The following PTGR2 variants were observed in gnomAD, a reference collection of about 807,000 sequenced individuals.
PTGR2 encodes 15-oxoprostaglandin 13-reductase.
Under a neutral mutation model 43.4 loss-of-function variants are expected in PTGR2, and 32 were observed. That is an observed-to-expected ratio of 0.74 (90% CI 0.56 to 0.99). The LOEUF is 0.99. PTGR2 is among the 50% of genes least tolerant of loss of function. The probability of loss-of-function intolerance (pLI) is 0.00; values close to 1 mark genes in which losing one functional copy is unlikely to be tolerated. For missense variants in PTGR2, 373 were observed against 420.0 expected, an observed-to-expected ratio of 0.89 and a Z score of 0.98; for synonymous variants, 106 against 139.2, an observed-to-expected ratio of 0.76 and a Z score of 1.68.
intron 4 of PTGR2, chr14:73,874,492 T>G (rs1291245028): frequency 4.0e-6 from 2 of 498,770 alleles, no homozygotes; most frequent in East Asian, 5.4e-5. Context: ...GTATGTGCAC[T>G]GGAGCCTCAC....
At chr14:73,855,695 C>T (rs1460106917) in intron 1 of PTGR2, among the ~76,000 whole-genome samples, 1 of 151,718 alleles carries the variant, frequency 6.6e-6, no homozygotes, top group South Asian at 2.1e-4. Context: ...ATGCACCTGC[C>T]TCAGCCTCCC....
chr14:73,882,736 G>A (rs894705692), intron 9 of PTGR2, among the ~76,000 whole-genome samples: 2 of 146,868 alleles, frequency 1.4e-5, no homozygotes, highest in Admixed American at 6.9e-5. Context: ...TCCTGACCTC[G>A]TGATCTGCCT....
chr14:73,878,407 T>C (rs1222562087), intron 5 of PTGR2: 2 of 152,224 alleles, frequency 1.3e-5, no homozygotes, highest in Admixed American at 1.3e-4. Flanking sequence ...AGCCAAAAAT[T>C]GTGAGATTTT....
chr14:73,862,851 G>A (rs541481757), intron 3 of PTGR2, among the ~76,000 whole-genome samples: 6 of 151,872 alleles, frequency 4.0e-5, no homozygotes, highest in Non-Finnish European at 8.8e-5. Flanking sequence ...GGGACCACAG[G>A]TATGCACCAC....
chr14:73,873,490 C>T (rs1345789570), intron 3 of PTGR2, among the ~76,000 whole-genome samples: 6 of 146,476 alleles, frequency 4.1e-5, no homozygotes, highest in East Asian at 2.0e-4. Context: ...GACGGAGTTT[C>T]GCTCTTGTTG....
At chr14:73,876,428 C>G (rs946488132) in intron 4 of PTGR2, among the ~76,000 whole-genome samples, 9 of 150,220 alleles carry the variant, frequency 6.0e-5, no homozygotes, top group Non-Finnish European at 1.2e-4. Context: ...AGTCTTTCCT[C>G]TGTGGGTGTG....
At chr14:73,874,241 T>G in intron 4 of PTGR2, 27 bp downstream of exon 4, 1 of 1,506,510 alleles carries the variant, frequency 6.6e-7, no homozygotes, top group Non-Finnish European at 9.0e-7. Context: ...CATATCTGAT[T>G]TTTTTTCCCC....
chr14:73,867,205 T>G (rs931655048), intron 3 of PTGR2, among the ~76,000 whole-genome samples: 2 of 151,996 alleles, frequency 1.3e-5, no homozygotes, highest in Non-Finnish European at 2.9e-5. Flanking sequence ...TTCCTGGTTC[T>G]CAGGCCTTCA....
intron 1 of PTGR2, among the ~76,000 whole-genome samples, chr14:73,857,475 A>C (rs1274218428): frequency 6.6e-6 from 1 of 150,918 alleles, no homozygotes; most frequent in Non-Finnish European, 1.5e-5. Context: ...TTAGCAGGGC[A>C]CCGTGGTGCA....
chr14:73,857,877 G>C (rs2054397365), intron 1 of PTGR2, among the ~76,000 whole-genome samples: 1 of 151,512 alleles, frequency 6.6e-6, no homozygotes. Flanking sequence ...CACCATGTTA[G>C]GCAGGATGGT....
rs1340054449 is a variant in PTGR2 at position 73,885,450 on chromosome 14, GATT to G, written c.*1277_*1279del. 1 of 152,204 alleles carries G rather than the reference GATT, an allele frequency of 6.6e-6. No individual in the cohort carries two copies. The highest frequency in any genetic ancestry group is 1.9e-4 in the East Asian group (1 of 5,196). 9.4% of individuals were successfully genotyped at this position (152,204 alleles called of 1,614,324 possible). A position where few individuals can be genotyped will look rare whatever the true frequency, so the allele number is the denominator to read the frequency against. ...ACCCTCGCAGAACAGTAAAACTGAA[GATT>G]ATTGTTTCTGAATGTTTTGGCTTAT... On this transcript the variant is annotated 3_prime_UTR_variant, in exon 10 of 10. Transcript: ENST00000555661.
Position 73,855,524 on chromosome 14 carries a change from G to A in PTGR2, c.-47-3292G>A, listed in dbSNP as rs570424024. Among the ~76,000 whole-genome samples, 5 of 151,904 alleles carry A rather than the reference G, an allele frequency of 3.3e-5. No homozygotes were observed. The East Asian group carries it at 5.9e-4, about 18-fold the overall frequency. On this transcript the variant is annotated intron_variant, in intron 1 of 9. Transcript: ENST00000555661. ...TACAGTGGCGTGATCTCGGCTCACC[G>A]CAACCTCCACCTCTTGAGTTCAAGC... is the stretch of plus-strand genomic sequence containing the variant.
chr14:73,853,575 A>C (rs566825747), intron 1 of PTGR2, among the ~76,000 whole-genome samples: 1 of 152,118 alleles, frequency 6.6e-6, no homozygotes, highest in Non-Finnish European at 1.5e-5. Flanking sequence ...TGCCCACCTC[A>C]GCTTCCCAAA....
chr14:73,871,200 CA>C (rs1361946631), intron 3 of PTGR2, among the ~76,000 whole-genome samples: 2 of 152,156 alleles, frequency 1.3e-5, no homozygotes, highest in African/African-American at 4.8e-5. Flanking sequence ...CATCAAAACC[CA>C]AAAGGACCTG....
At position 73,871,341 on chromosome 14, in the gene PTGR2, CTTTTTTTTTT is replaced by C. The variant is rs869073652; in HGVS notation, c.157-2665_157-2656del. Among the ~76,000 whole-genome samples the C allele has an allele frequency of 2.8e-4, 19 of 67,860 alleles. No individual in the cohort carries two copies. The East Asian group carries it at 3.5e-3, about 12-fold the overall frequency. The allele number at this position is 67,860 out of a possible 152,430, so 44.5% of individuals were successfully genotyped here. On this transcript the variant is annotated intron_variant, in intron 3 of 9. Transcript: ENST00000555661. ...GCATCTCTTCTATTTGGCTGTTCATCTTTTTTTTTTTTTTTTTTTTTTTTTTAATTTTTGT... is the reference window on the plus strand; with the variant it reads ...GCATCTCTTCTATTTGGCTGTTCATCTTTTTTTTTTTTTTTTAATTTTTGT...
In PTGR2 at chr14:73,880,194, G is replaced by T. The variant is rs2054949741; in HGVS notation, c.851+18G>T. 1 of 1,612,762 alleles carries T rather than the reference G, an allele frequency of 6.2e-7. No individual in the cohort carries two copies. The highest frequency in any genetic ancestry group is 1.7e-5 in the Admixed American group (1 of 59,966). On this transcript the variant is annotated intron_variant, in intron 7 of 9. Transcript: ENST00000555661. ...ATCACAAGGTGTGTTCTTCCTCTTT[G>T]CCCTTATTACCAGGTTCATGGGGTT...
chr14:73,860,589 T>G lies in PTGR2; in HGVS notation c.88T>G (p.Leu30Val), dbSNP rs2054465192. 3 of 1,584,468 alleles carry G rather than the reference T, an allele frequency of 1.9e-6. No homozygotes were observed. The highest frequency in any genetic ancestry group is 1.7e-6 in the Non-Finnish European group (2 of 1,158,814). ...AENFRMEEVY[L>V]PDNINEGQVQ... ...GAATTTCCGAATGGAAGAAGTCTAT[T>G]TACCAGATAATATTAATGAAGGACA... The change falls in exon 3 of 10, where the codon TTA becomes GTA. Residue 30 changes from leucine to valine, a missense_variant. Leu to Val is a conservative substitution (Grantham distance 32). Coordinates refer to ENST00000555661, the MANE Select transcript of PTGR2 (RefSeq NM_001146154.2).
rs1466497487 is a variant in PTGR2 at position 73,874,206 on chromosome 14, C to G, written c.340C>G (p.Leu114Val). The stretch of plus-strand genomic sequence containing the variant: ...CAAGGTTATTCTGGATGGAAATAGC[C>G]TTGAAAAGGTGATATATATATGAAC... ...QTKVILDGNS[L>V]EKVDPQLVDG... is the part of the protein sequence containing the mutation. The change falls in exon 4 of 10, where the codon CTT becomes GTT. Residue 114 changes from leucine to valine, a missense_variant. Leu to Val is a conservative substitution (Grantham distance 32). Transcript: ENST00000555661. 2.5e-6 allele frequency: 4 copies of G among 1,609,920 alleles called. No individual in the cohort carries two copies. The highest frequency in any genetic ancestry group is 3.4e-6 in the Non-Finnish European group (4 of 1,177,938).
intron 4 of PTGR2, among the ~76,000 whole-genome samples, chr14:73,876,483 CTTTTT>C (rs766810794): frequency 9.2e-6 from 1 of 108,566 alleles, no homozygotes; most frequent in South Asian, 4.0e-4. Flanking sequence ...GACATAAGTC[CTTTTT>C]TTTTTTTTTT....
Sources: gnomAD v4.1 joint callset for allele counts (sites outside exome capture counted in the v4.1 genomes callset) on GRCh38, gnomAD v4.1.1 for gene constraint, MANE v1.5 for transcripts, NCBI Gene and HGNC (gene_info 2026-07-23, HGNC 2026-07-21) for gene names.